The following ADAM9 variants were observed in gnomAD, a reference collection of about 807,000 sequenced individuals.
The protein encoded by ADAM9 is disintegrin and metalloproteinase domain-containing protein 9.
Under a neutral mutation model 108.1 loss-of-function variants are expected in ADAM9, and 54 were observed. The ratio of observed to expected loss-of-function variants is 0.50; its 90% CI spans 0.40 to 0.63. The LOEUF (loss-of-function observed/expected upper bound fraction) is 0.63, where lower values mean the gene tolerates loss of function less well. ADAM9 is among the 20% of genes least tolerant of loss of function. ADAM9 has a pLI of 0.00. For missense variants in ADAM9, 830 were observed against 997.7 expected (o/e 0.83, Z 2.26); for synonymous variants, 316 against 336.0 (o/e 0.94, Z 0.65).
chr8:39,078,732 G>T (rs1408064057), intron 16 of ADAM9, among the ~76,000 whole-genome samples: 2 of 152,130 alleles, frequency 1.3e-5, no homozygotes, highest in South Asian at 4.1e-4. Flanking sequence ...AGTGAGCCGA[G>T]ATTATGCCAC....
chr8:39,026,431 A>T (rs1288952360), intron 10 of ADAM9, among the ~76,000 whole-genome samples: 1 of 152,208 alleles, frequency 6.6e-6, no homozygotes, highest in Non-Finnish European at 1.5e-5. Flanking sequence ...ATAAACTACC[A>T]TAAGTAATCT....
intron 18 of ADAM9, among the ~76,000 whole-genome samples, chr8:39,083,579 T>G (rs1281325307): frequency 6.6e-6 from 1 of 152,218 alleles, no homozygotes; most frequent in Non-Finnish European, 1.5e-5. Context: ...CATACCGTAT[T>G]ATTTTCACAT....
At chr8:39,053,663 A>C (rs910856707) in intron 12 of ADAM9, among the ~76,000 whole-genome samples, 1 of 152,130 alleles carries the variant, frequency 6.6e-6, no homozygotes, top group South Asian at 2.1e-4. Context: ...TGACATTGCT[A>C]TTTTAACAGA....
chr8:39,064,403 A>G (rs931652583), intron 14 of ADAM9, among the ~76,000 whole-genome samples: 8 of 152,174 alleles, frequency 5.3e-5, no homozygotes, highest in Admixed American at 3.9e-4. Flanking sequence ...AACAATATCA[A>G]TTGGATATAT....
At chr8:39,014,169 A>G (rs754060539) in intron 4 of ADAM9, 126 bp downstream of exon 4, 2 of 778,696 alleles carry the variant, frequency 2.6e-6, no homozygotes, top group Non-Finnish European at 4.4e-6. Flanking sequence ...ACATTATAAC[A>G]TATGGGTTAT....
intron 1 of ADAM9, among the ~76,000 whole-genome samples, chr8:39,000,642 T>G (rs573438320): frequency 6.6e-6 from 1 of 152,058 alleles, no homozygotes; most frequent in South Asian, 2.1e-4. Flanking sequence ...AAAACTTTTT[T>G]TGTGTGTGGA....
At chr8:39,073,163 T>C (rs535006132) in intron 15 of ADAM9, among the ~76,000 whole-genome samples, 43 of 152,362 alleles carry the variant, frequency 2.8e-4, no homozygotes, top group African/African-American at 1.0e-3. Context: ...GTTAGAGATG[T>C]TATTCTATAA....
At chr8:39,031,133 A>G (rs1421837154) in intron 11 of ADAM9, among the ~76,000 whole-genome samples, 2 of 152,218 alleles carry the variant, frequency 1.3e-5, no homozygotes, top group African/African-American at 4.8e-5. Flanking sequence ...AATAATTGCC[A>G]TATCCAAGAT....
At position 39,089,778 on chromosome 8, in the gene ADAM9, T is replaced by C. The variant is rs140262563; in HGVS notation, c.2069-269T>C. 1,837 of 429,224 alleles carry C rather than the reference T, an allele frequency of 4.3e-3. 13 individuals are homozygous for C. The highest frequency in any genetic ancestry group is 5.0e-3 in the Non-Finnish European group (1,164 of 231,222). 26.6% of individuals were successfully genotyped at this position (429,224 alleles called of 1,614,324 possible). A position where few individuals can be genotyped will look rare whatever the true frequency, so the allele number is the denominator to read the frequency against. Reference sequence around the variant, plus strand: ...GTATGCTACCTTTTGTGTAAGAAAGTGTTGACAGTAGAAACGTATTTTGTT... The same window carrying C: ...GTATGCTACCTTTTGTGTAAGAAAGCGTTGACAGTAGAAACGTATTTTGTT... On this transcript the variant is annotated intron_variant, in intron 18 of 21. Transcript: ENST00000487273.
At chr8:39,009,933 A>AGAGG (rs1836295584) in intron 2 of ADAM9, among the ~76,000 whole-genome samples, 1 of 20,604 alleles carries the variant, frequency 4.9e-5, no homozygotes, top group South Asian at 1.0e-3. Flanking sequence ...AGAGAGAGAG[A>AGAGG]CAAAAACAAA....
intron 1 of ADAM9, among the ~76,000 whole-genome samples, chr8:39,005,040 T>C (rs542704749): frequency 5.5e-4 from 84 of 152,350 alleles, no homozygotes; most frequent in African/African-American, 2.0e-3. Context: ...CCTTATTTTA[T>C]CCAGCCTCTA....
chr8:39,007,793 T>C, intron 1 of ADAM9, 93 bp from the exon 2 acceptor site: 1 of 861,466 alleles, frequency 1.2e-6, no homozygotes, highest in Middle Eastern at 3.4e-4. Flanking sequence ...AGGTGATTTT[T>C]CTGTGATTTG....
At chr8:39,099,674 A>G (rs968995930) in intron 20 of ADAM9, among the ~76,000 whole-genome samples, 2 of 152,206 alleles carry the variant, frequency 1.3e-5, no homozygotes, top group Admixed American at 6.5e-5. Flanking sequence ...TTTTTAAATT[A>G]ATTTTAGTTT....
intron 16 of ADAM9, among the ~76,000 whole-genome samples, chr8:39,079,343 G>A (rs562689147): frequency 6.6e-6 from 1 of 151,212 alleles, no homozygotes; most frequent in Non-Finnish European, 1.5e-5. Context: ...CTGGGCTCAA[G>A]CGATTCTCCC....
At chr8:39,015,947 G>T (rs1246503684) in intron 4 of ADAM9, 171 bp from the exon 5 acceptor site, 3 of 638,398 alleles carry the variant, frequency 4.7e-6, no homozygotes, top group Non-Finnish European at 8.2e-6. Flanking sequence ...GAGATAGTCC[G>T]CAGATGGTCT....
At chr8:39,044,325 C>T (rs1367291473) in intron 12 of ADAM9, among the ~76,000 whole-genome samples, 1 of 152,046 alleles carries the variant, frequency 6.6e-6, no homozygotes, top group African/African-American at 2.4e-5. Flanking sequence ...CAGTTTTCCA[C>T]GGGGGAAGGG....
intron 18 of ADAM9, 45 bp downstream of exon 18, chr8:39,083,118 A>ATTTATGCCTTG: frequency 2.0e-6 from 3 of 1,523,102 alleles, no homozygotes; most frequent in Non-Finnish European, 2.7e-6. Context: ...CAGTGGCCCA[A>ATTTATGCCTTG]GGCATAAATT....
At chr8:39,026,173 G>T (rs948127866) in intron 10 of ADAM9, among the ~76,000 whole-genome samples, 14 of 152,124 alleles carry the variant, frequency 9.2e-5, no homozygotes, top group Non-Finnish European at 1.9e-4. Flanking sequence ...TGCCATGGTG[G>T]TTTGCTGCAC....
At chr8:39,026,151 T>C (rs992602624) in intron 10 of ADAM9, among the ~76,000 whole-genome samples, 2 of 152,198 alleles carry the variant, frequency 1.3e-5, no homozygotes, top group Non-Finnish European at 2.9e-5. Context: ...GTTTGTTACA[T>C]AGGTATACAT....
Sources: gnomAD v4.1 joint callset for allele counts (sites outside exome capture counted in the v4.1 genomes callset) on GRCh38, gnomAD v4.1.1 for gene constraint, MANE v1.5 for transcripts, NCBI Gene and HGNC (gene_info 2026-07-23, HGNC 2026-07-21) for gene names.